EXOC6: variants seen among roughly 807,000 people sequenced by gnomAD.
The protein encoded by EXOC6 is exocyst complex component 6, also known as SEC15-like 1.
A neutral mutation model predicts 112.5 loss-of-function variants in EXOC6; 60 were observed. The observed-to-expected ratio is 0.53, with a 90% CI of 0.43 to 0.66. EXOC6 has a LOEUF of 0.66. Among genes scored for constraint, EXOC6 ranks in the 30% least tolerant of loss-of-function variants. The pLI, the probability that EXOC6 is intolerant of heterozygous loss-of-function variation, is 0.00. For synonymous variants in EXOC6, 295 were observed against 308.0 expected, an observed-to-expected ratio of 0.96 and a Z score of 0.44; for missense variants, 855 against 957.1, an observed-to-expected ratio of 0.89 and a Z score of 1.41.
chr10:92,871,046 T>C (rs377010872), intron 1 of EXOC6, among the ~76,000 whole-genome samples: 1 of 152,290 alleles, frequency 6.6e-6, no homozygotes, highest in East Asian at 1.9e-4. Flanking sequence ...GAATTACCCC[T>C]GTGAAAATCA....
intron 1 of EXOC6, among the ~76,000 whole-genome samples, chr10:92,869,058 G>A (rs1187761615): frequency 6.6e-6 from 1 of 152,016 alleles, no homozygotes; most frequent in Admixed American, 6.6e-5. Context: ...TTTATTTAGT[G>A]TTTTTAACAA....
chr10:93,044,518 GTAA>G (rs1845919027), intron 20 of EXOC6, among the ~76,000 whole-genome samples: 1 of 152,004 alleles, frequency 6.6e-6, no homozygotes, highest in African/African-American at 2.4e-5. Context: ...ACTAAGTATG[GTAA>G]TCCAACTTTG....
At chr10:92,883,851 T>G (rs1849077530) in intron 1 of EXOC6, among the ~76,000 whole-genome samples, 1 of 152,192 alleles carries the variant, frequency 6.6e-6, no homozygotes, top group African/African-American at 2.4e-5. Context: ...TAGTATTTTG[T>G]CAGGGGTAAA....
At chr10:93,045,008 G>A (rs1267668344) in intron 20 of EXOC6, among the ~76,000 whole-genome samples, 1 of 150,460 alleles carries the variant, frequency 6.6e-6, no homozygotes, top group African/African-American at 2.5e-5. Flanking sequence ...GAGTAGCTGG[G>A]ACTACAGGTA....
chr10:93,042,497 T>C (rs761450594), intron 20 of EXOC6, among the ~76,000 whole-genome samples: 2 of 152,236 alleles, frequency 1.3e-5, no homozygotes, highest in Non-Finnish European at 2.9e-5. Flanking sequence ...TTGTCACATG[T>C]GAACACAATC....
intron 1 of EXOC6, among the ~76,000 whole-genome samples, chr10:92,855,149 C>G (rs1222610347): frequency 6.6e-6 from 1 of 152,088 alleles, no homozygotes; most frequent in East Asian, 1.9e-4. Flanking sequence ...TACTTCTGGC[C>G]TCAAGCAGTC....
At chr10:93,046,283 G>A (rs1845998237) in intron 20 of EXOC6, among the ~76,000 whole-genome samples, 1 of 152,170 alleles carries the variant, frequency 6.6e-6, no homozygotes. Flanking sequence ...GGAGATAAGT[G>A]CTGGGATAAC....
chr10:92,863,926 A>C (rs533668202), intron 1 of EXOC6, among the ~76,000 whole-genome samples: 8 of 151,468 alleles, frequency 5.3e-5, no homozygotes, highest in African/African-American at 1.7e-4. Flanking sequence ...AAAAAAAAAA[A>C]ACAAAACAAA....
At chr10:93,031,815 A>G (rs1486142740) in intron 20 of EXOC6, among the ~76,000 whole-genome samples, 2 of 151,916 alleles carry the variant, frequency 1.3e-5, no homozygotes, top group African/African-American at 4.8e-5. Context: ...GCCCGCCCCC[A>G]TGCCATTTTT....
chr10:93,020,303 A>G (rs181575268), intron 20 of EXOC6, among the ~76,000 whole-genome samples: 48 of 152,284 alleles, frequency 3.2e-4, no homozygotes, highest in African/African-American at 1.1e-3. Context: ...AACTTCAACA[A>G]AAATCACCAG....
chr10:92,984,437 T>C (rs1179680110), intron 18 of EXOC6, among the ~76,000 whole-genome samples: 1 of 152,262 alleles, frequency 6.6e-6, no homozygotes, highest in East Asian at 1.9e-4. Flanking sequence ...CTCTCTAGAA[T>C]TGGGGCATAG....
chr10:92,848,952 C>G (rs528299941), intron 1 of EXOC6, among the ~76,000 whole-genome samples: 29 of 152,288 alleles, frequency 1.9e-4, no homozygotes, highest in African/African-American at 6.5e-4. Flanking sequence ...CTGCGGCCCC[C>G]GGGCCCGAGG....
At chr10:92,913,198 G>C (rs953411112) in intron 6 of EXOC6, among the ~76,000 whole-genome samples, 6 of 152,062 alleles carry the variant, frequency 3.9e-5, no homozygotes, top group African/African-American at 1.4e-4. Flanking sequence ...CCAGAAACTG[G>C]GGAGTATTTT....
intron 18 of EXOC6, among the ~76,000 whole-genome samples, chr10:92,983,438 C>A (rs1008405213): frequency 6.6e-6 from 1 of 151,822 alleles, no homozygotes; most frequent in African/African-American, 2.4e-5. Context: ...CCTTTCCCTT[C>A]CCCTTTTTTA....
intron 13 of EXOC6, 168 bp from the exon 14 acceptor site, chr10:92,948,106 T>C (rs541866933): frequency 2.0e-6 from 1 of 500,918 alleles, no homozygotes; most frequent in East Asian, 3.4e-5. Flanking sequence ...ACCTATTTGT[T>C]GTTGAATTTT....
intron 1 of EXOC6, among the ~76,000 whole-genome samples, chr10:92,883,191 AT>A (rs1849048383): frequency 6.6e-6 from 1 of 152,218 alleles, no homozygotes; most frequent in African/African-American, 2.4e-5. Flanking sequence ...TTGCAGGAGA[AT>A]TTGGTGAATT....
chr10:92,858,774 C>T (rs1394063429), intron 1 of EXOC6, among the ~76,000 whole-genome samples: 11 of 152,024 alleles, frequency 7.2e-5, no homozygotes, highest in Non-Finnish European at 8.8e-5. Flanking sequence ...TTCTTTCTTT[C>T]GTTTTTTTTG....
chr10:92,863,325 TTTTAA>T (rs1477495961), intron 1 of EXOC6, among the ~76,000 whole-genome samples: 1 of 152,234 alleles, frequency 6.6e-6, no homozygotes, highest in Non-Finnish European at 1.5e-5. Context: ...TAAGCATCTC[TTTTAA>T]TTTGATAACT....
At chr10:92,908,168 C>T (rs1850549216) in intron 5 of EXOC6, among the ~76,000 whole-genome samples, 1 of 144,560 alleles carries the variant, frequency 6.9e-6, no homozygotes, top group Non-Finnish European at 1.5e-5. Context: ...GATCCTTGTG[C>T]CTCAGCCTCC....
Sources: gnomAD v4.1 joint callset for allele counts (sites outside exome capture counted in the v4.1 genomes callset) on GRCh38, gnomAD v4.1.1 for gene constraint, MANE v1.5 for transcripts, NCBI Gene and HGNC (gene_info 2026-07-23, HGNC 2026-07-21) for gene names.